Variants in RERE observed in about 807,000 individuals in gnomAD.
RERE encodes arginine-glutamic acid dipeptide repeats, also known as arginine-glutamic acid dipeptide repeats protein.
RERE carries 40 observed loss-of-function variants against 146.1 expected under a neutral mutation model. That is an observed-to-expected ratio of 0.27 (90% CI 0.21 to 0.36). The LOEUF (loss-of-function observed/expected upper bound fraction) is 0.36, where lower values mean the gene tolerates loss of function less well. Among genes scored for constraint, RERE ranks in the 10% least tolerant of loss-of-function variants. The pLI is 1.00. For missense variants in RERE, 1,933 were observed against 2,138.7 expected (o/e 0.90, Z 1.90); for synonymous variants, 1,003 against 866.0 (o/e 1.16, Z -2.78).
chr1:8,753,689 T>A (rs1439309310), intron 1 of RERE: 1 of 152,206 alleles, frequency 6.6e-6, no homozygotes, highest in African/African-American at 2.4e-5. Flanking sequence ...TTCTTTCAGA[T>A]AAATAAGCCA....
Position 8,516,227 on chromosome 1 carries a change from G to GAAAAAAAAAAAAAAAAAAAAA in RERE, c.831-7573_831-7553dup, listed in dbSNP as rs58064164. ...GGGACGGAGCAAGACTCTCTCAGAGGAAAAAAAAAAAAAAAAAAAAAATCT... is the reference window on the plus strand; with the variant it reads ...GGGACGGAGCAAGACTCTCTCAGAGGAAAAAAAAAAAAAAAAAAAAAAAAAAAAAAAAAAAAAAAAAAATCT... On this transcript the variant is annotated intron_variant, in intron 7 of 22. Transcript: ENST00000400908. Among the ~76,000 whole-genome samples the GAAAAAAAAAAAAAAAAAAAAA allele has an allele frequency of 8.0e-4, 42 of 52,302 alleles. 3 individuals are homozygous for GAAAAAAAAAAAAAAAAAAAAA. Among genetic ancestry groups the GAAAAAAAAAAAAAAAAAAAAA allele is most frequent in the South Asian group, 1.5e-3 (2 of 1,312 alleles). 34.3% of individuals were successfully genotyped at this position (52,302 alleles called of 152,430 possible).
At chr1:8,395,671 G>C (rs1382561769) in intron 12 of RERE, among the ~76,000 whole-genome samples, 1 of 152,116 alleles carries the variant, frequency 6.6e-6, no homozygotes, top group Non-Finnish European at 1.5e-5. Context: ...AACCTGTGTG[G>C]ACCTTTTTGT....
chr1:8,737,963 G>T (rs1266438760), intron 1 of RERE, among the ~76,000 whole-genome samples: 1 of 152,148 alleles, frequency 6.6e-6, no homozygotes, highest in African/African-American at 2.4e-5. Context: ...TATAAATCTA[G>T]TTATGAGAAC....
intron 13 of RERE, 104 bp downstream of exon 13, chr1:8,365,708 C>T: frequency 1.5e-6 from 2 of 1,324,912 alleles, no homozygotes; most frequent in East Asian, 2.3e-5. Context: ...GTGCACACCC[C>T]CTCATGCTTC....
chr1:8,607,534 C>CTTTTTTTTTTTTTTTTTTT lies in RERE; in HGVS notation c.522+7008_522+7026dup, dbSNP rs1167501074. On this transcript the variant is annotated intron_variant, in intron 4 of 22. Coordinates refer to ENST00000400908, the MANE Select transcript of RERE (RefSeq NM_001042681.2). ...CGCATATTTGTTTTTATATATATTT[C>CTTTTTTTTTTTTTTTTTTT]TTTTTTTTTTTTTTTTTTTTTTTTT... Among the ~76,000 whole-genome samples, 28 of 48,582 alleles carry CTTTTTTTTTTTTTTTTTTT rather than the reference C, an allele frequency of 5.8e-4. 5 individuals are homozygous for CTTTTTTTTTTTTTTTTTTT. The highest frequency in any genetic ancestry group is 7.7e-4 in the African/African-American group (9 of 11,664). 31.9% of individuals were successfully genotyped at this position (48,582 alleles called of 152,430 possible).
chr1:8,644,236 G>A (rs1233899780), intron 2 of RERE, among the ~76,000 whole-genome samples: 1 of 152,140 alleles, frequency 6.6e-6, no homozygotes, highest in African/African-American at 2.4e-5. Context: ...ACATGTGCAT[G>A]CAATTCAAGG....
intron 11 of RERE, among the ~76,000 whole-genome samples, chr1:8,438,530 C>T (rs1280255109): frequency 6.6e-6 from 1 of 152,132 alleles, no homozygotes; most frequent in African/African-American, 2.4e-5. Flanking sequence ...GATTTTTCAG[C>T]TAATTTTGAA....
In RERE at chr1:8,580,759, G is replaced by A. The variant is rs1036809686; in HGVS notation, c.523-23236C>T. Among the ~76,000 whole-genome samples, 21 of 152,108 alleles carry A rather than the reference G, an allele frequency of 1.4e-4. 1 individual carries two copies. Among genetic ancestry groups the A allele is most frequent in the African/African-American group, 5.1e-4 (21 of 41,428 alleles). ...AGGGTCTCACTGTGTCGCTCAGACT[G>A]GAGTACAGTGTGGTGTGATCTCGGC... On this transcript the variant is annotated intron_variant, in intron 4 of 22. Transcript: ENST00000400908.
At chr1:8,572,568 T>A (rs1646234274) in intron 4 of RERE, among the ~76,000 whole-genome samples, 1 of 152,166 alleles carries the variant, frequency 6.6e-6, no homozygotes, top group Non-Finnish European at 1.5e-5. Context: ...TAAACAAAAA[T>A]AATTTCAAAT....
intron 4 of RERE, among the ~76,000 whole-genome samples, chr1:8,582,971 A>G (rs1372989808): frequency 2.0e-5 from 3 of 152,308 alleles, no homozygotes; most frequent in Admixed American, 6.5e-5. Context: ...AGATCATATC[A>G]ATGGGGGTTG....
At chr1:8,702,235 C>G (rs945415387) in intron 1 of RERE, among the ~76,000 whole-genome samples, 9 of 152,146 alleles carry the variant, frequency 5.9e-5, no homozygotes, top group African/African-American at 2.2e-4. Context: ...ATTCACAGAC[C>G]ATTTTTTAGA....
chr1:8,719,062 A>G (rs1639812956), intron 1 of RERE, among the ~76,000 whole-genome samples: 1 of 152,220 alleles, frequency 6.6e-6, no homozygotes, highest in Admixed American at 6.5e-5. Flanking sequence ...CACTAAAAAA[A>G]AGAAACAGGC....
chr1:8,624,363 T>A lies in RERE; in HGVS notation c.343A>T (p.Ser115Cys). The A allele has an allele frequency of 6.2e-7, 1 of 1,610,614 alleles. No individual in the cohort carries two copies. Among genetic ancestry groups the A allele is most frequent in the Non-Finnish European group, 8.5e-7 (1 of 1,178,702 alleles). Residue 115 changes from serine (S) to cysteine (C), a missense_variant, in exon 3 of 23, where the codon AGT becomes TGT. Ser to Cys is a moderately radical substitution (Grantham distance 112). Around this residue, in one of 11 missense-constraint regions of RERE, gnomAD observed 74 missense variants for 99.6 expected, o/e 0.74. Coordinates refer to ENST00000400908, the MANE Select transcript of RERE (RefSeq NM_001042681.2). ...AAATACGGTGTGTTTGGCCTCCGAC[T>A]CTCGATATACACACAGTCTTTAAAA... The part of the protein sequence containing the change: ...YRPGDCVYIE[S>C]RRPNTPYFIC...
chr1:8,462,737 G>A (rs752068602), intron 11 of RERE, among the ~76,000 whole-genome samples: 7 of 152,260 alleles, frequency 4.6e-5, no homozygotes, highest in Admixed American at 6.5e-5. Context: ...ATATGCCAGC[G>A]GCAGCGAAGT....
rs1417134932 is a variant in RERE, at chr1:8,456,942, G to A, written c.1203+8983C>T. ...TTTTCAGGACTAACACACTATACAT[G>A]TCACTTAGCAAGACTGTTTTAATCT... On this transcript the variant is annotated intron_variant, in intron 11 of 22. Transcript: ENST00000400908. 3.3e-5 allele frequency among the ~76,000 whole-genome samples: 5 copies of A among 152,110 alleles called. No homozygotes were observed. In the East Asian group the frequency reaches 9.6e-4, roughly 29 times the overall value.
chr1:8,385,994 ATATAT>A (rs1206641884), intron 12 of RERE, among the ~76,000 whole-genome samples: 11 of 22,190 alleles, frequency 5.0e-4, no homozygotes, highest in East Asian at 2.6e-3. Flanking sequence ...AAAAAAAAAA[ATATAT>A]ATATATATAT....
At chr1:8,555,391 A>G (rs1011413903) in intron 6 of RERE, among the ~76,000 whole-genome samples, 2 of 152,194 alleles carry the variant, frequency 1.3e-5, no homozygotes, top group Non-Finnish European at 2.9e-5. Context: ...GTGAAACATC[A>G]GCTGACCCGA....
intron 2 of RERE, among the ~76,000 whole-genome samples, chr1:8,650,027 C>T (rs1015455211): frequency 9.2e-5 from 14 of 151,930 alleles, no homozygotes; most frequent in African/African-American, 3.1e-4. Flanking sequence ...GTTACCGAGA[C>T]GAGAAGAGCA....
At chr1:8,574,430 C>T (rs1008638776) in intron 4 of RERE, among the ~76,000 whole-genome samples, 11 of 148,822 alleles carry the variant, frequency 7.4e-5, no homozygotes, top group South Asian at 2.1e-4. Flanking sequence ...CTGCAAGCTC[C>T]GCCTCTCGGG....
Sources: allele counts gnomAD v4.1 joint callset (sites outside exome capture counted in the v4.1 genomes callset), GRCh38; gene constraint gnomAD v4.1.1; regional missense constraint gnomAD v4.1.1; transcripts MANE v1.5; gene names NCBI Gene and HGNC (gene_info 2026-07-23, HGNC 2026-07-21).